ZNF98: variants seen among roughly 807,000 people sequenced by gnomAD.
ZNF98 encodes zinc finger protein 739.
A neutral mutation model predicts 12.8 loss-of-function variants in ZNF98; 8 were observed. The ratio of observed to expected loss-of-function variants is 0.63; its 90% CI spans 0.37 to 1.13. The LOEUF (loss-of-function observed/expected upper bound fraction) is 1.13, where lower values mean the gene tolerates loss of function less well. Among genes scored for constraint, ZNF98 ranks in the 50% most tolerant of loss-of-function variants. The pLI, the probability that ZNF98 is intolerant of heterozygous loss-of-function variation, is 0.01. For synonymous variants in ZNF98, 112 were observed against 223.5 expected (o/e 0.50, Z 4.45); for missense variants, 379 against 666.1 (o/e 0.57, Z 4.74).
At chr19:22,415,956 GACACACACACACAC>G (rs71180550) in intron 1 of ZNF98, among the ~76,000 whole-genome samples, 8 of 111,332 alleles carry the variant, frequency 7.2e-5, no homozygotes, top group South Asian at 3.6e-4. Context: ...AAAAACTACA[GACACACACACACAC>G]ACACACACAC....
rs562640954 is a variant in ZNF98, at chr19:22,401,312, T to A, written c.253+1477A>T. Among the ~76,000 whole-genome samples, 10 of 152,160 alleles carry A rather than the reference T, an allele frequency of 6.6e-5. No homozygotes were observed. In the East Asian group the frequency reaches 1.9e-3, roughly 29 times the overall value. On this transcript the variant is annotated intron_variant, in intron 3 of 3. Coordinates refer to ENST00000357774, the MANE Select transcript of ZNF98 (RefSeq NM_001098626.2). The stretch of plus-strand genomic sequence containing the variant: ...ATGGTTCCATACACTTTAAACAAAC[T>A]ATCTGACAAAAGAGAGACAGAAAGC...
At chr19:22,408,045 C>G (rs945112683) in intron 1 of ZNF98, among the ~76,000 whole-genome samples, 22 of 152,082 alleles carry the variant, frequency 1.4e-4, no homozygotes, top group African/African-American at 5.3e-4. Flanking sequence ...CACTGGACAA[C>G]AAGTGCGAAA....
intron 3 of ZNF98, among the ~76,000 whole-genome samples, chr19:22,401,816 A>G (rs1969460663): frequency 6.6e-6 from 1 of 151,896 alleles, no homozygotes; most frequent in Admixed American, 6.6e-5. Flanking sequence ...CGTGTTATCT[A>G]CAGTGATCTC....
At chr19:22,413,129 T>A (rs930458113) in intron 1 of ZNF98, among the ~76,000 whole-genome samples, 18 of 151,804 alleles carry the variant, frequency 1.2e-4, no homozygotes, top group Non-Finnish European at 2.5e-4. Flanking sequence ...ACAGACAACA[T>A]ACTGAATACA....
Position 22,422,292 on chromosome 19 carries a change from A to G in ZNF98, c.-68T>C. On this transcript the variant is annotated 5_prime_UTR_variant, in exon 1 of 4. Transcript: ENST00000357774. Reference sequence around the variant, plus strand: ...GAGGCTGGGCCTCTACGAGCAGAGGACACAGAAGGGCGAAGACGAGACCAG... The same window carrying G: ...GAGGCTGGGCCTCTACGAGCAGAGGGCACAGAAGGGCGAAGACGAGACCAG... 1.3e-6 allele frequency: 2 copies of G among 1,593,458 alleles called. No homozygotes were observed. The highest frequency in any genetic ancestry group is 4.5e-5 in the East Asian group (2 of 44,282).
At chr19:22,399,991 C>T (rs1969438607) in intron 3 of ZNF98, among the ~76,000 whole-genome samples, 2 of 152,114 alleles carry the variant, frequency 1.3e-5, no homozygotes, top group Non-Finnish European at 1.5e-5. Context: ...CTGCTAATGC[C>T]CAAGATTGAG....
Position 22,416,605 on chromosome 19 carries a change from T to C in ZNF98, c.30+5590A>G, listed in dbSNP as rs539396683. On this transcript the variant is annotated intron_variant, in intron 1 of 3. Coordinates refer to ENST00000357774, the MANE Select transcript of ZNF98 (RefSeq NM_001098626.2). ...CTGTCTCTACTAAAAATATAAAAAT[T>C]AGCCAGGCCTGGTGGTGCACACCTG... Among the ~76,000 whole-genome samples, 100 of 150,348 alleles carry C rather than the reference T, an allele frequency of 6.7e-4. 1 individual carries two copies. Among genetic ancestry groups the C allele is most frequent in the African/African-American group, 2.3e-3 (95 of 40,914 alleles).
At chr19:22,408,414 T>C (rs11671804) in intron 1 of ZNF98, among the ~76,000 whole-genome samples, 49,609 of 152,060 alleles carry the variant, frequency 0.33, 9,533 homozygotes, top group Non-Finnish European at 0.44. Context: ...ACCATTCTTA[T>C]TGAACATAGT....
intron 1 of ZNF98, among the ~76,000 whole-genome samples, chr19:22,412,471 A>T (rs1969590683): frequency 6.6e-6 from 1 of 152,178 alleles, no homozygotes; most frequent in Admixed American, 6.5e-5. Flanking sequence ...TTGAAAAGTT[A>T]GACTTCAGTT....
chr19:22,393,245 C>T (rs558281378), intron 3 of ZNF98, among the ~76,000 whole-genome samples: 25 of 152,272 alleles, frequency 1.6e-4, no homozygotes, highest in African/African-American at 5.8e-4. Flanking sequence ...TTACATTTAC[C>T]CAGTGCAGAT....
At chr19:22,420,915 C>G (rs1166561603) in intron 1 of ZNF98, among the ~76,000 whole-genome samples, 1 of 152,156 alleles carries the variant, frequency 6.6e-6, no homozygotes, top group African/African-American at 2.4e-5. Flanking sequence ...TTGCTTTCTT[C>G]TCATGGGAAA....
In ZNF98 at chr19:22,400,725, C is replaced by T. The variant is rs535874851; in HGVS notation, c.253+2064G>A. 4.6e-5 allele frequency among the ~76,000 whole-genome samples: 7 copies of T among 152,046 alleles called. No individual in the cohort carries two copies. In the South Asian group the frequency reaches 1.0e-3, roughly 23 times the overall value. On this transcript the variant is annotated intron_variant, in intron 3 of 3. Coordinates refer to ENST00000357774, the MANE Select transcript of ZNF98 (RefSeq NM_001098626.2). ...ATCCCAGAACTTTGGGAGGCCAAGGCGGGTGGATCACCAGGTCAGGAGTTC... is the reference window on the plus strand; with the variant it reads ...ATCCCAGAACTTTGGGAGGCCAAGGTGGGTGGATCACCAGGTCAGGAGTTC...
At chr19:22,410,432 G>A (rs1969568471) in intron 1 of ZNF98, among the ~76,000 whole-genome samples, 1 of 152,186 alleles carries the variant, frequency 6.6e-6, no homozygotes, top group Non-Finnish European at 1.5e-5. Flanking sequence ...ACAAAGAAAT[G>A]AGATCACGTC....
intron 3 of ZNF98, among the ~76,000 whole-genome samples, chr19:22,393,878 T>C (rs1433089104): frequency 6.6e-6 from 1 of 151,948 alleles, no homozygotes; most frequent in Non-Finnish European, 1.5e-5. Flanking sequence ...CTAAAGAAAC[T>C]ACCACCAGAA....
At chr19:22,415,956 GACACACACACACACACAC>G (rs71180550) in intron 1 of ZNF98, among the ~76,000 whole-genome samples, 1 of 111,332 alleles carries the variant, frequency 9.0e-6, no homozygotes, top group African/African-American at 3.7e-5. Flanking sequence ...AAAAACTACA[GACACACACACACACACAC>G]ACACACACAC....
At chr19:22,422,108 G>C in intron 1 of ZNF98, 87 bp downstream of exon 1, 2 of 1,523,560 alleles carry the variant, frequency 1.3e-6, no homozygotes, top group Non-Finnish European at 1.8e-6. Flanking sequence ...CTGACAGCGG[G>C]GAGGCCTGAG....
intron 1 of ZNF98, among the ~76,000 whole-genome samples, chr19:22,414,742 A>C (rs1395472444): frequency 6.6e-6 from 1 of 152,202 alleles, no homozygotes; most frequent in African/African-American, 2.4e-5. Context: ...ACTAAAGATA[A>C]ATTAAATATT....
chr19:22,413,006 T>C (rs1436186183), intron 1 of ZNF98, among the ~76,000 whole-genome samples: 1 of 151,658 alleles, frequency 6.6e-6, no homozygotes, highest in Non-Finnish European at 1.5e-5. Context: ...TGAGCCGAGA[T>C]TGCACCACTG....
intron 1 of ZNF98, among the ~76,000 whole-genome samples, chr19:22,407,202 G>A (rs1332002519): frequency 4.0e-5 from 6 of 151,792 alleles, no homozygotes; most frequent in East Asian, 4.1e-4. Context: ...GATTACAGGC[G>A]CGTGCCACCA....
Sources: allele counts gnomAD v4.1 joint callset (sites outside exome capture counted in the v4.1 genomes callset), GRCh38; gene constraint gnomAD v4.1.1; transcripts MANE v1.5; gene names NCBI Gene and HGNC (gene_info 2026-07-23, HGNC 2026-07-21).